The following WDFY2 variants were observed in gnomAD, a reference collection of about 807,000 sequenced individuals.
WDFY2 encodes the protein WD repeat and FYVE domain-containing protein 2.
Under a neutral mutation model 56.4 loss-of-function variants are expected in WDFY2, and 36 were observed. That is an observed-to-expected ratio of 0.64 (90% CI 0.49 to 0.84). The LOEUF is 0.84. WDFY2 is among the 40% of genes least tolerant of loss of function. WDFY2 has a pLI of 0.00. For synonymous variants in WDFY2, 176 were observed against 183.7 expected, an observed-to-expected ratio of 0.96 and a Z score of 0.34; for missense variants, 444 against 512.2, an observed-to-expected ratio of 0.87 and a Z score of 1.29.
chr13:51,682,597 G>C (rs983838775), intron 3 of WDFY2, among the ~76,000 whole-genome samples: 1 of 152,036 alleles, frequency 6.6e-6, no homozygotes, highest in Admixed American at 6.6e-5. Context: ...TGTCACATTG[G>C]GCAAGTTGCT....
chr13:51,592,779 TTAAA>T (rs1490592331), intron 1 of WDFY2, among the ~76,000 whole-genome samples: 1 of 152,106 alleles, frequency 6.6e-6, no homozygotes, highest in African/African-American at 2.4e-5. Flanking sequence ...AACTTAAATT[TTAAA>T]TAATCATCAT....
At chr13:51,678,537 T>C (rs1224817942) in intron 3 of WDFY2, among the ~76,000 whole-genome samples, 1 of 152,246 alleles carries the variant, frequency 6.6e-6, no homozygotes, top group East Asian at 1.9e-4. Flanking sequence ...CTTGACCTTT[T>C]TCAGTAATGT....
intron 4 of WDFY2, among the ~76,000 whole-genome samples, chr13:51,717,498 GCTA>G (rs921107415): frequency 3.1e-4 from 47 of 151,970 alleles, no homozygotes; most frequent in African/African-American, 1.1e-3. Flanking sequence ...ATCATCTAGG[GCTA>G]CTGTCATCCC....
At chr13:51,710,607 A>G (rs1952190941) in intron 4 of WDFY2, among the ~76,000 whole-genome samples, 1 of 152,228 alleles carries the variant, frequency 6.6e-6, no homozygotes, top group African/African-American at 2.4e-5. Flanking sequence ...ATACAAAATA[A>G]ATGTGCAAAA....
intron 3 of WDFY2, among the ~76,000 whole-genome samples, chr13:51,691,709 A>G (rs1472679825): frequency 6.6e-5 from 10 of 152,118 alleles, no homozygotes; most frequent in Admixed American, 2.6e-4. Context: ...TGAACTTTAA[A>G]GTAGTTTTTT....
chr13:51,724,518 T>C (rs1331413504), intron 5 of WDFY2, among the ~76,000 whole-genome samples: 4 of 152,230 alleles, frequency 2.6e-5, no homozygotes, highest in African/African-American at 9.6e-5. Context: ...ATTACAGGCG[T>C]GAGCCATCGC....
chr13:51,723,928 T>G (rs1952544998), intron 5 of WDFY2, among the ~76,000 whole-genome samples: 1 of 152,230 alleles, frequency 6.6e-6, no homozygotes, highest in Non-Finnish European at 1.5e-5. Flanking sequence ...CCCTGCCTCA[T>G]TAGCTAGGGC....
rs1428052893 is a variant in WDFY2 at position 51,687,596 on chromosome 13, C to T, written c.279+12353C>T. Among the ~76,000 whole-genome samples the T allele has an allele frequency of 6.7e-5, 10 of 148,554 alleles. No individual in the cohort carries two copies. In the South Asian group the frequency reaches 8.5e-4, roughly 13 times the overall value. On this transcript the variant is annotated intron_variant, in intron 3 of 11. Coordinates refer to ENST00000298125, the MANE Select transcript of WDFY2 (RefSeq NM_052950.4). ...AGGAGTGTTTATAATAGTAGTACAA[C>T]GAAAATCCTGACTTGAGCTAAAAAA...
chr13:51,629,974 T>C (rs1301751189), intron 1 of WDFY2, among the ~76,000 whole-genome samples: 1 of 152,120 alleles, frequency 6.6e-6, no homozygotes, highest in East Asian at 1.9e-4. Flanking sequence ...ATATGTTTCC[T>C]AACTACTTCT....
At chr13:51,653,036 G>T (rs1020228071) in intron 1 of WDFY2, among the ~76,000 whole-genome samples, 7 of 152,192 alleles carry the variant, frequency 4.6e-5, no homozygotes, top group African/African-American at 1.4e-4. Context: ...TCACTTTCAG[G>T]TACACCAATC....
intron 1 of WDFY2, among the ~76,000 whole-genome samples, chr13:51,651,393 A>G (rs1481476531): frequency 4.0e-5 from 6 of 151,814 alleles, no homozygotes; most frequent in Non-Finnish European, 8.8e-5. Flanking sequence ...TTTTTGAAGC[A>G]TTTTTTTGTG....
intron 1 of WDFY2, among the ~76,000 whole-genome samples, chr13:51,622,966 T>C (rs1954766036): frequency 6.6e-6 from 1 of 150,728 alleles, no homozygotes; most frequent in Non-Finnish European, 1.5e-5. Context: ...CAAGCAATTC[T>C]CCTGCCTCAG....
Position 51,622,709 on chromosome 13 carries a change from A to G in WDFY2, c.137+37885A>G, listed in dbSNP as rs574978262. Among the ~76,000 whole-genome samples, 3 of 152,328 alleles carry G rather than the reference A, an allele frequency of 2.0e-5. No homozygotes were observed. In the East Asian group the frequency reaches 5.8e-4, roughly 29 times the overall value. The stretch of plus-strand genomic sequence containing the variant: ...GAAAGCATAAAAACACAGGATACAC[A>G]TAACTGTTCTCAAAAAGTTCACAAT... On this transcript the variant is annotated intron_variant, in intron 1 of 11. Coordinates refer to ENST00000298125, the MANE Select transcript of WDFY2 (RefSeq NM_052950.4).
chr13:51,676,373 A>G (rs1021252060), intron 3 of WDFY2, among the ~76,000 whole-genome samples: 1 of 152,184 alleles, frequency 6.6e-6, no homozygotes, highest in Non-Finnish European at 1.5e-5. Flanking sequence ...TGTCACCACA[A>G]TATGGCGTGG....
chr13:51,588,270 T>TA (rs1356644119), intron 1 of WDFY2: 3 of 152,204 alleles, frequency 2.0e-5, no homozygotes, highest in Non-Finnish European at 4.4e-5. Context: ...GGTCAAGACT[T>TA]ATGTTTAGTC....
At chr13:51,658,234 G>C (rs1307075099) in intron 1 of WDFY2, among the ~76,000 whole-genome samples, 1 of 152,162 alleles carries the variant, frequency 6.6e-6, no homozygotes, top group African/African-American at 2.4e-5. Flanking sequence ...TGAGGTCTCT[G>C]TTCTGTTATG....
chr13:51,664,938 AT>A (rs1452681384), intron 2 of WDFY2, among the ~76,000 whole-genome samples: 4 of 152,270 alleles, frequency 2.6e-5, no homozygotes, highest in African/African-American at 9.6e-5. Flanking sequence ...CACATCTAAC[AT>A]TGTACGATGT....
chr13:51,710,924 A>T (rs1029229300), intron 4 of WDFY2, among the ~76,000 whole-genome samples: 2 of 152,202 alleles, frequency 1.3e-5, no homozygotes, highest in South Asian at 2.1e-4. Flanking sequence ...TCTTCACAGA[A>T]TTGGAAAAAA....
At chr13:51,667,986 G>A (rs1955742119) in intron 2 of WDFY2, among the ~76,000 whole-genome samples, 1 of 147,458 alleles carries the variant, frequency 6.8e-6, no homozygotes, top group African/African-American at 2.5e-5. Context: ...CTGCCTCCAG[G>A]GTTCACGCCG....
Sources: allele counts gnomAD v4.1 joint callset (sites outside exome capture counted in the v4.1 genomes callset), GRCh38; gene constraint gnomAD v4.1.1; transcripts MANE v1.5; gene names NCBI Gene and HGNC (gene_info 2026-07-23, HGNC 2026-07-21).